PTPRO: variants seen among roughly 807,000 people sequenced by gnomAD.
The protein encoded by PTPRO is receptor-type tyrosine-protein phosphatase O.
PTPRO carries 62 observed loss-of-function variants against 145.2 expected under a neutral mutation model. That is an observed-to-expected ratio of 0.43 (90% CI 0.35 to 0.53). PTPRO has a LOEUF of 0.53. PTPRO is among the 20% of genes least tolerant of loss of function. The probability of loss-of-function intolerance (pLI) is 0.01; values close to 1 mark genes in which losing one functional copy is unlikely to be tolerated. For missense variants in PTPRO, 1,345 were observed against 1,482.7 expected (o/e 0.91, Z 1.53); for synonymous variants, 565 against 514.7 (o/e 1.10, Z -1.32).
intron 12 of PTPRO, among the ~76,000 whole-genome samples, chr12:15,537,581 G>A (rs1943090626): frequency 6.6e-6 from 1 of 152,130 alleles, no homozygotes; most frequent in Non-Finnish European, 1.5e-5. Context: ...TTGAGAAGAG[G>A]CATTTGGGTG....
intron 1 of PTPRO, among the ~76,000 whole-genome samples, chr12:15,358,756 A>G (rs1182635911): frequency 1.3e-5 from 2 of 152,208 alleles, no homozygotes; most frequent in African/African-American, 4.8e-5. Context: ...TATTTAATGT[A>G]ACAGATGTTG....
Position 15,499,533 on chromosome 12 carries a change from T to C in PTPRO, c.600T>C (p.Phe200=). The C allele has an allele frequency of 6.2e-7, 1 of 1,613,872 alleles. No homozygotes were observed. The highest frequency in any genetic ancestry group is 8.5e-7 in the Non-Finnish European group (1 of 1,179,812). The change falls in exon 4 of 27, where the codon TTT becomes TTC. Residue 200 remains phenylalanine (F), a synonymous_variant. Transcript: ENST00000281171. The part of the protein sequence containing the change: ...ITFQLVSEAT[F]NKSTLVEYSG... ...TTCAGCTGGTATCTGAGGCAACTTT[T>C]AATAAAAGTACCCTTGTTGAGTACA...
rs1458486043 is a variant in PTPRO at position 15,397,629 on chromosome 12, A to G, written c.75+74828A>G. Among the ~76,000 whole-genome samples, 3 of 152,312 alleles carry G rather than the reference A, an allele frequency of 2.0e-5. No homozygotes were observed. The East Asian group carries it at 5.8e-4, about 29-fold the overall frequency. The stretch of plus-strand genomic sequence containing the variant: ...CCCGTGGAAGTCTCAATGACCCACA[A>G]GGCATAGGGTTTGTGGCTTTGGTCC... On this transcript the variant is annotated intron_variant, in intron 1 of 26. Transcript: ENST00000281171.
intron 12 of PTPRO, 84 bp downstream of exon 12, chr12:15,526,346 A>C (rs1320376727): frequency 1.9e-6 from 3 of 1,558,498 alleles, no homozygotes; most frequent in Non-Finnish European, 1.8e-6. Context: ...CAATTCAATG[A>C]AATAATAACA....
chr12:15,479,973 A>T (rs1488850498), intron 1 of PTPRO, among the ~76,000 whole-genome samples: 1 of 152,124 alleles, frequency 6.6e-6, no homozygotes, highest in African/African-American at 2.4e-5. Flanking sequence ...AGCCCTAGAT[A>T]TTTTTAAATT....
chr12:15,587,358 G>C (rs931725245), intron 24 of PTPRO, among the ~76,000 whole-genome samples: 1 of 152,112 alleles, frequency 6.6e-6, no homozygotes, highest in African/African-American at 2.4e-5. Context: ...TTCAAATCCA[G>C]GCATGCCAAT....
rs771793101 is a variant in PTPRO, at chr12:15,594,920, T to A, written c.3547-17T>A. 2 of 1,590,328 alleles carry A rather than the reference T, an allele frequency of 1.3e-6. No individual in the cohort carries two copies. Among genetic ancestry groups the A allele is most frequent in the Non-Finnish European group, 1.7e-6 (2 of 1,159,074 alleles). On this transcript the variant is annotated splice_polypyrimidine_tract_variant and intron_variant, in intron 25 of 26. Transcript: ENST00000281171. ...GCACATGTCTGCTCTGAAACCTGTT[T>A]TTGTCTTTTGTTCCAGGAGCAGTAC... is the stretch of plus-strand genomic sequence containing the variant.
chr12:15,378,482 C>T (rs924671689), intron 1 of PTPRO, among the ~76,000 whole-genome samples: 1 of 151,772 alleles, frequency 6.6e-6, no homozygotes, highest in African/African-American at 2.4e-5. Context: ...CACAAAATAC[C>T]GAAGGTAACT....
intron 25 of PTPRO, among the ~76,000 whole-genome samples, chr12:15,590,070 G>A (rs1335959266): frequency 6.6e-6 from 1 of 152,220 alleles, no homozygotes; most frequent in Non-Finnish European, 1.5e-5. Flanking sequence ...TGATTTTAAA[G>A]ATTCCCAGTC....
chr12:15,551,404 C>T, intron 14 of PTPRO, 147 bp from the exon 15 acceptor site: 5 of 1,030,362 alleles, frequency 4.9e-6, no homozygotes, highest in Non-Finnish European at 7.4e-6. Context: ...AGGAAGAGGT[C>T]ATTGCTGGCT....
chr12:15,326,935 TAAAGG>T (rs754664525), intron 1 of PTPRO, among the ~76,000 whole-genome samples: 6 of 152,234 alleles, frequency 3.9e-5, no homozygotes, highest in Non-Finnish European at 8.8e-5. Context: ...ATTTTTGAAA[TAAAGG>T]AATGTCTACT....
intron 1 of PTPRO, among the ~76,000 whole-genome samples, chr12:15,390,522 C>A (rs1404727980): frequency 6.6e-6 from 1 of 152,026 alleles, no homozygotes; most frequent in African/African-American, 2.4e-5. Flanking sequence ...TGCCACCTCC[C>A]AGTGGGTCCC....
chr12:15,449,047 A>C (rs1183998040), intron 1 of PTPRO, among the ~76,000 whole-genome samples: 1 of 152,116 alleles, frequency 6.6e-6, no homozygotes, highest in Non-Finnish European at 1.5e-5. Flanking sequence ...ACGATTCGCA[A>C]ATAGGGCATC....
At chr12:15,519,528 A>G (rs1029857071) in intron 9 of PTPRO, among the ~76,000 whole-genome samples, 1 of 152,250 alleles carries the variant, frequency 6.6e-6, no homozygotes, top group Admixed American at 6.5e-5. Flanking sequence ...AGCACAGAAT[A>G]GAGCAATCAA....
At chr12:15,440,484 C>T (rs1327955330) in intron 1 of PTPRO, 2 of 190,578 alleles carry the variant, frequency 1.0e-5, no homozygotes, top group Admixed American at 6.3e-5. Context: ...GTTCATGAAA[C>T]CCATCTTACG....
intron 6 of PTPRO, among the ~76,000 whole-genome samples, chr12:15,507,187 C>T (rs948311802): frequency 3.3e-5 from 5 of 151,944 alleles, no homozygotes; most frequent in African/African-American, 9.7e-5. Context: ...CCAAGGCGGG[C>T]GGATCACCTG....
intron 17 of PTPRO, chr12:15,565,239 C>T (rs928885622): frequency 5.9e-6 from 1 of 170,060 alleles, no homozygotes; most frequent in African/African-American, 2.4e-5. Context: ...TTCCTTCCTG[C>T]CTGTAGAAAT....
intron 1 of PTPRO, among the ~76,000 whole-genome samples, chr12:15,354,022 G>C (rs1452542520): frequency 6.6e-6 from 1 of 152,136 alleles, no homozygotes; most frequent in Admixed American, 6.5e-5. Context: ...TTTTCAGTCA[G>C]AGCTGTGTAA....
intron 18 of PTPRO, among the ~76,000 whole-genome samples, chr12:15,567,756 G>A (rs1441377882): frequency 6.6e-6 from 1 of 152,114 alleles, no homozygotes; most frequent in African/African-American, 2.4e-5. Flanking sequence ...AGTTTGAAGT[G>A]GGAAAAGCTT....
Sources: allele counts gnomAD v4.1 joint callset (sites outside exome capture counted in the v4.1 genomes callset), GRCh38; gene constraint gnomAD v4.1.1; transcripts MANE v1.5; gene names NCBI Gene and HGNC (gene_info 2026-07-23, HGNC 2026-07-21).